The following RAPGEF3 variants were observed in gnomAD, a reference collection of about 807,000 sequenced individuals.
RAPGEF3 encodes Rap guanine nucleotide exchange factor 3, also known as 9330170P05Rik.
Under a neutral mutation model 129.8 loss-of-function variants are expected in RAPGEF3, and 103 were observed. The ratio of observed to expected loss-of-function variants is 0.79; its 90% CI spans 0.68 to 0.93. The LOEUF is 0.93. Ranked by LOEUF, RAPGEF3 falls within the 40% of genes least tolerant of loss-of-function variation. The pLI is 0.00. For missense variants in RAPGEF3, 1,117 were observed against 1,207.4 expected (o/e 0.93, Z 1.11); for synonymous variants, 436 against 482.6 (o/e 0.90, Z 1.26).
chr12:47,758,482 T>G (rs1592588729), intron 1 of RAPGEF3, 69 bp downstream of exon 1: 3 of 1,584,638 alleles, frequency 1.9e-6, no homozygotes. Flanking sequence ...CCACCCAAAC[T>G]CCCCACCGTG....
Position 47,748,472 on chromosome 12 carries a change from T to A in RAPGEF3, c.1225A>T (p.Ser409Cys). ...LLLEAMGPDS[S>C]AHDPTETFLS... ...CCCTTACCTGTTGGGTCATGAGCAC[T>A]GGAATCTGGTCCCATGGCCTCCAAC... Residue 409 changes from serine to cysteine, a missense_variant, in exon 12 of 28, where the codon AGT (serine) becomes TGT (cysteine). Ser to Cys is a moderately radical substitution (Grantham distance 112, BLOSUM62 -1). This residue lies in a region of RAPGEF3 where 643 missense variants were observed against 673.4 expected (regional missense o/e 0.95). Coordinates refer to ENST00000449771, the MANE Select transcript of RAPGEF3 (RefSeq NM_001098531.4). 2 of 1,613,730 alleles carry A rather than the reference T, an allele frequency of 1.2e-6. No homozygotes were observed. The highest frequency in any genetic ancestry group is 1.7e-6 in the Non-Finnish European group (2 of 1,179,894).
intron 23 of RAPGEF3, 151 bp downstream of exon 23, chr12:47,739,990 G>T: frequency 2.2e-6 from 2 of 914,680 alleles, no homozygotes. Flanking sequence ...TCACAGGCTG[G>T]AGCTAGGCCC....
At chr12:47,738,799 C>T (rs751639932) in intron 24 of RAPGEF3, 45 bp from the exon 25 acceptor site, 3 of 1,521,664 alleles carry the variant, frequency 2.0e-6, no homozygotes, top group African/African-American at 2.8e-5. Flanking sequence ...AACTTCTGCC[C>T]TCCTGTAGCC....
chr12:47,750,064 G>C (rs1417803204), intron 7 of RAPGEF3, 74 bp from the exon 8 acceptor site: 1 of 1,552,532 alleles, frequency 6.4e-7, no homozygotes, highest in Admixed American at 1.7e-5. Flanking sequence ...CTAGGGGTGT[G>C]GTTAGGTCCA....
intron 24 of RAPGEF3, 66 bp from the exon 25 acceptor site, chr12:47,738,820 G>T: frequency 2.1e-6 from 3 of 1,431,714 alleles, no homozygotes; most frequent in African/African-American, 2.8e-5. Flanking sequence ...CAGAAAAGGT[G>T]AAGGGCATAA....
Position 47,739,213 on chromosome 12 carries a change from G to C in RAPGEF3, c.2391C>G (p.His797Gln), listed in dbSNP as rs377225603. ...LERLLDPSWNHRVYRLALAKL... is the reference protein window; with the variant it reads ...LERLLDPSWNQRVYRLALAKL... ...TGGCGAGGGCCAGTCGGTATACCCG[G>C]TGGTTCCATGAGGGATCCTAGGGGA... is the stretch of plus-strand genomic sequence containing the variant. Residue 797 changes from histidine (H) to glutamine (Q), a missense_variant, in exon 24 of 28, where the codon CAC becomes CAG. Transcript: ENST00000449771. 6 of 1,611,838 alleles carry C rather than the reference G, an allele frequency of 3.7e-6. No individual in the cohort carries two copies. The highest frequency in any genetic ancestry group is 3.3e-5 in the Admixed American group (2 of 59,874).
chr12:47,751,827 G>A lies in RAPGEF3; in HGVS notation c.276C>T (p.Ala92=), dbSNP rs1274360477. 1.2e-6 allele frequency: 2 copies of A among 1,614,062 alleles called. No individual in the cohort carries two copies. Among genetic ancestry groups the A allele is most frequent in the African/African-American group, 1.3e-5 (1 of 74,930 alleles). Residue 92 remains alanine (A), a splice_region_variant and synonymous_variant, in exon 4 of 28, where the codon GCC becomes GCT. Coordinates refer to ENST00000449771, the MANE Select transcript of RAPGEF3 (RefSeq NM_001098531.4). The part of the protein sequence containing the change: ...SLDFSESLEQ[A]STERVLRAGR... ...CAGCCCTGAGCACCCGCTCTGTGGA[G>A]GCCTTAGAGGGAGGAAGGGCACAGC...
chr12:47,747,047 A>G, intron 15 of RAPGEF3, 148 bp from the exon 16 acceptor site: 1 of 769,564 alleles, frequency 1.3e-6, no homozygotes, highest in East Asian at 2.9e-5. Flanking sequence ...AGAGGGGAGA[A>G]CACGGTCTTG....
chr12:47,747,744 G>A lies in RAPGEF3; in HGVS notation c.1441C>T (p.His481Tyr), dbSNP rs371742959. The change falls in exon 14 of 28, where the codon CAC (histidine) becomes TAC (tyrosine). Residue 481 changes from histidine (H) to tyrosine (Y), a missense_variant. Coordinates refer to ENST00000449771, the MANE Select transcript of RAPGEF3 (RefSeq NM_001098531.4). ...QWVALYGSML[H>Y]TDPVATSFLQ... ...AAGCTGGTGGCCACAGGGTCAGTGT[G>A]GAGCATGGAGCCATACAGGGCCACC... The A allele has an allele frequency of 3.7e-6, 6 of 1,609,844 alleles. No homozygotes were observed. Among genetic ancestry groups the A allele is most frequent in the African/African-American group, 1.3e-5 (1 of 74,950 alleles).
At chr12:47,758,313 G>T in intron 1 of RAPGEF3, 1 of 1,434,438 alleles carries the variant, frequency 7.0e-7, no homozygotes, top group Admixed American at 2.9e-5. Context: ...GCCCTTCTTA[G>T]TCCTCTTTGG....
intron 18 of RAPGEF3, 92 bp from the exon 19 acceptor site, chr12:47,741,694 G>T: frequency 9.1e-7 from 1 of 1,093,932 alleles, no homozygotes; most frequent in Non-Finnish European, 1.4e-6. Flanking sequence ...TTGGGAGGCT[G>T]AGAGGTTGTT....
At chr12:47,757,312 A>C (rs983057788) in intron 2 of RAPGEF3, among the ~76,000 whole-genome samples, 3 of 152,132 alleles carry the variant, frequency 2.0e-5, no homozygotes, top group Non-Finnish European at 2.9e-5. Context: ...TCTCACTAGC[A>C]AAGGGCACTT....
At chr12:47,743,212 G>A (rs1941255881) in intron 18 of RAPGEF3, among the ~76,000 whole-genome samples, 1 of 152,170 alleles carries the variant, frequency 6.6e-6, no homozygotes, top group South Asian at 2.1e-4. Flanking sequence ...CCTCCAGGAG[G>A]CAAGTACTCC....
At chr12:47,758,425 T>A in intron 1 of RAPGEF3, 126 bp downstream of exon 1, 1 of 1,557,368 alleles carries the variant, frequency 6.4e-7, no homozygotes, top group South Asian at 1.2e-5. Context: ...CAGCTTCGGC[T>A]TAAACCCTTC....
rs546290933 is a variant in RAPGEF3 at position 47,734,924 on chromosome 12, G to C, written c.*2643C>G. The stretch of plus-strand genomic sequence containing the variant: ...TCCAGGCGGAGATGCTGAAGCAGCA[G>C]AGGGTGCTGGCTCCACTGACCACTC... On this transcript the variant is annotated 3_prime_UTR_variant, in exon 28 of 28. Transcript: ENST00000449771. The C allele has an allele frequency of 1.4e-3, 207 of 152,452 alleles. No individual in the cohort carries two copies. Among genetic ancestry groups the C allele is most frequent in the African/African-American group, 4.7e-3 (196 of 41,596 alleles). 9.4% of individuals were successfully genotyped at this position (152,452 alleles called of 1,614,324 possible).
chr12:47,738,797 C>T (rs1486476057), intron 24 of RAPGEF3, 43 bp from the exon 25 acceptor site: 2 of 1,532,910 alleles, frequency 1.3e-6, no homozygotes, highest in Non-Finnish European at 9.0e-7. Context: ...CAAACTTCTG[C>T]CCTCCTGTAG....
chr12:47,743,555 C>A lies in RAPGEF3; in HGVS notation c.1800G>T (p.Val600=). 2 of 1,614,126 alleles carry A rather than the reference C, an allele frequency of 1.2e-6. No homozygotes were observed. The highest frequency in any genetic ancestry group is 3.3e-5 in the Admixed American group (2 of 60,022). Residue 600 remains valine (V), a synonymous_variant, in exon 18 of 28, where the codon GTG becomes GTT. Transcript: ENST00000449771. ...AQEDGWTKGQ[V]LVKVNSAGDA... ...CACCTGCAGAATTGACCTTCACCAG[C>A]ACCTGCCCCTTGGTCCAGCCATCCT...
intron 27 of RAPGEF3, 28 bp from the exon 28 acceptor site, chr12:47,737,713 A>C (rs369292308): frequency 1.9e-4 from 297 of 1,595,328 alleles, no homozygotes; most frequent in Non-Finnish European, 2.5e-4. Context: ...TCAGGGAGGC[A>C]CTGATGCCCC....
At chr12:47,758,431 C>G in intron 1 of RAPGEF3, 120 bp downstream of exon 1, 1 of 1,560,638 alleles carries the variant, frequency 6.4e-7, no homozygotes, top group Non-Finnish European at 8.7e-7. Context: ...CGGCTTAAAC[C>G]CTTCTCCTCT....
Sources: gnomAD v4.1 joint callset for allele counts (sites outside exome capture counted in the v4.1 genomes callset) on GRCh38, gnomAD v4.1.1 for gene constraint, gnomAD v4.1.1 regional missense constraint, MANE v1.5 for transcripts, NCBI Gene and HGNC (gene_info 2026-07-23, HGNC 2026-07-21) for gene names.